The following ASTN2 variants were observed in gnomAD, a reference collection of about 807,000 sequenced individuals.
ASTN2 encodes the protein astrotactin 2, also known as astrotactin-2.
Under a neutral mutation model 139.8 loss-of-function variants are expected in ASTN2, and 54 were observed. The observed-to-expected ratio is 0.39, with a 90% CI of 0.31 to 0.48. The LOEUF is 0.48. Ranked by LOEUF, ASTN2 falls within the 20% of genes least tolerant of loss-of-function variation. The probability of loss-of-function intolerance (pLI) is 0.95; values close to 1 mark genes in which losing one functional copy is unlikely to be tolerated. For missense variants in ASTN2, 1,565 were observed against 1,725.1 expected (o/e 0.91, Z 1.64); for synonymous variants, 756 against 719.5 (o/e 1.05, Z -0.81).
intron 16 of ASTN2, among the ~76,000 whole-genome samples, chr9:116,660,112 ATATATG>A: frequency 6.6e-6 from 1 of 152,092 alleles, no homozygotes; most frequent in Non-Finnish European, 1.5e-5. Context: ...CTGAGAAGGT[ATATATG>A]TATGAGTATG....
At chr9:116,619,213 T>C (rs567644357) in intron 18 of ASTN2, among the ~76,000 whole-genome samples, 1 of 152,142 alleles carries the variant, frequency 6.6e-6, no homozygotes, top group Non-Finnish European at 1.5e-5. Flanking sequence ...ATTATGGGAC[T>C]TTGTTTTCCA....
intron 19 of ASTN2, among the ~76,000 whole-genome samples, chr9:116,588,302 G>C (rs1264719592): frequency 6.6e-6 from 1 of 152,188 alleles, no homozygotes; most frequent in African/African-American, 2.4e-5. Context: ...TCTATTGAAA[G>C]ACATGTTTTT....
chr9:116,707,549 C>T (rs958554613), intron 16 of ASTN2, among the ~76,000 whole-genome samples: 3 of 151,710 alleles, frequency 2.0e-5, no homozygotes, highest in South Asian at 2.1e-4. Context: ...AAATGATATA[C>T]GGTAGCCACC....
chr9:117,320,405 T>C (rs1828290279), intron 1 of ASTN2, among the ~76,000 whole-genome samples: 1 of 152,202 alleles, frequency 6.6e-6, no homozygotes, highest in South Asian at 2.1e-4. Flanking sequence ...TGCATGGCTC[T>C]TTTCACATAA....
intron 10 of ASTN2, among the ~76,000 whole-genome samples, chr9:116,922,260 C>T (rs1263946967): frequency 6.6e-6 from 1 of 152,130 alleles, no homozygotes; most frequent in Non-Finnish European, 1.5e-5. Context: ...TATTATTGTT[C>T]ATAAACATGT....
intron 1 of ASTN2, among the ~76,000 whole-genome samples, chr9:117,338,692 G>A (rs1828970434): frequency 6.6e-6 from 1 of 152,100 alleles, no homozygotes; most frequent in Admixed American, 6.5e-5. Context: ...GGCTTTGGTA[G>A]GCACTGAATA....
At position 116,917,473 on chromosome 9, in the gene ASTN2, C is replaced by T. The variant is rs144855280; in HGVS notation, c.1890-53740G>A. Among the ~76,000 whole-genome samples the T allele has an allele frequency of 2.8e-3, 430 of 152,224 alleles. 3 individuals are homozygous for T. Among genetic ancestry groups the T allele is most frequent in the Middle Eastern group, 0.01 (3 of 294 alleles). ...TGTTTACTGAGTGAATAAACAAATG[C>T]GTTAAAGCATAGGACGTAAAAACTT... is the stretch of plus-strand genomic sequence containing the variant. On this transcript the variant is annotated intron_variant, in intron 10 of 22. Transcript: ENST00000313400.
intron 6 of ASTN2, among the ~76,000 whole-genome samples, chr9:117,021,515 C>A (rs183891106): frequency 2.6e-4 from 39 of 152,254 alleles, no homozygotes; most frequent in African/African-American, 8.7e-4. Flanking sequence ...CATCATCTCG[C>A]TCTTTCAAAA....
chr9:116,708,390 G>A (rs1448277606), intron 16 of ASTN2, among the ~76,000 whole-genome samples: 1 of 152,100 alleles, frequency 6.6e-6, no homozygotes, highest in Non-Finnish European at 1.5e-5. Context: ...TTTTAGCAGC[G>A]ACTCAGCCAC....
At chr9:116,628,749 A>G (rs943889509) in intron 17 of ASTN2, among the ~76,000 whole-genome samples, 1 of 152,230 alleles carries the variant, frequency 6.6e-6, no homozygotes, top group Non-Finnish European at 1.5e-5. Flanking sequence ...CGATGTGTCA[A>G]TGCAGGTTCA....
intron 10 of ASTN2, among the ~76,000 whole-genome samples, chr9:116,873,929 G>A (rs1213838759): frequency 2.0e-5 from 3 of 152,148 alleles, no homozygotes; most frequent in East Asian, 3.9e-4. Flanking sequence ...TATGCTTCCT[G>A]TACAGACTGT....
At chr9:116,976,650 G>T in intron 8 of ASTN2, 51 bp downstream of exon 8, 1 of 1,524,040 alleles carries the variant, frequency 6.6e-7, no homozygotes, top group Non-Finnish European at 9.1e-7. Context: ...GAACAGAGGA[G>T]GTAAAAGTGG....
At chr9:116,791,004 AAAGAAAGAAAG>A (rs1830531718) in intron 13 of ASTN2, among the ~76,000 whole-genome samples, 5 of 124,258 alleles carry the variant, frequency 4.0e-5, no homozygotes, top group Admixed American at 8.5e-5. Flanking sequence ...AGAAAGAAAG[AAAGAAAGAAAG>A]AAAGAAAGAA....
At chr9:117,209,274 A>C (rs1390636528) in intron 3 of ASTN2, among the ~76,000 whole-genome samples, 2 of 152,154 alleles carry the variant, frequency 1.3e-5, no homozygotes, top group African/African-American at 4.8e-5. Flanking sequence ...AAGGATGAAA[A>C]AATAAGACAA....
At chr9:116,944,175 C>T (rs1054575299) in intron 10 of ASTN2, among the ~76,000 whole-genome samples, 1 of 151,782 alleles carries the variant, frequency 6.6e-6, no homozygotes, top group Non-Finnish European at 1.5e-5. Context: ...AAGCAAAATG[C>T]CCAGCGTCTT....
chr9:116,433,944 C>A (rs1403191795), intron 22 of ASTN2, among the ~76,000 whole-genome samples: 2 of 152,192 alleles, frequency 1.3e-5, no homozygotes, highest in African/African-American at 4.8e-5. Context: ...TGAGTCTCAA[C>A]TGATCCAGAG....
intron 13 of ASTN2, among the ~76,000 whole-genome samples, chr9:116,770,694 T>C (rs1184933410): frequency 6.6e-6 from 1 of 152,180 alleles, no homozygotes; most frequent in Non-Finnish European, 1.5e-5. Flanking sequence ...ACTCTCCTGT[T>C]TTCCTTCCCA....
chr9:116,629,670 A>G (rs1856639684), intron 17 of ASTN2, among the ~76,000 whole-genome samples: 1 of 152,174 alleles, frequency 6.6e-6, no homozygotes, highest in Admixed American at 6.5e-5. Flanking sequence ...TGCTCTATAA[A>G]TCACAGAAAC....
chr9:116,615,267 A>G (rs1388652875), intron 19 of ASTN2, among the ~76,000 whole-genome samples: 3 of 152,166 alleles, frequency 2.0e-5, no homozygotes, highest in Non-Finnish European at 2.9e-5. Flanking sequence ...AGACTTTTAC[A>G]CTGTTGGTGG....
Sources: allele counts gnomAD v4.1 joint callset (sites outside exome capture counted in the v4.1 genomes callset), GRCh38; gene constraint gnomAD v4.1.1; transcripts MANE v1.5; gene names NCBI Gene and HGNC (gene_info 2026-07-23, HGNC 2026-07-21).